The following FLCN variants were observed in gnomAD, a reference collection of about 807,000 sequenced individuals.
The protein encoded by FLCN is BHD skin lesion fibrofolliculoma protein.
FLCN carries 22 observed loss-of-function variants against 62.5 expected under a neutral mutation model. That is an observed-to-expected ratio of 0.35 (90% CI 0.25 to 0.50). The LOEUF (loss-of-function observed/expected upper bound fraction) is 0.50, where lower values mean the gene tolerates loss of function less well. FLCN is among the 20% of genes least tolerant of loss of function. The pLI is 0.97. For synonymous variants in FLCN, 319 were observed against 310.0 expected (o/e 1.03, Z -0.30); for missense variants, 657 against 778.0 (o/e 0.84, Z 1.85).
chr17:17,231,848 T>C lies in FLCN; in HGVS notation c.-79A>G, dbSNP rs535864585. 1 of 152,632 alleles carries C rather than the reference T, an allele frequency of 6.6e-6. No individual in the cohort carries two copies. Among genetic ancestry groups the C allele is most frequent in the Admixed American group, 6.5e-5 (1 of 15,304 alleles). The allele number at this position is 152,632 out of a possible 1,614,324, so 9.5% of individuals were successfully genotyped here. ...GCACGAGCTGCTCCGGCACCTGTCCTCCTGCTGAGATACGGCTGAGCACGA... is the reference window on the plus strand; with the variant it reads ...GCACGAGCTGCTCCGGCACCTGTCCCCCTGCTGAGATACGGCTGAGCACGA... On this transcript the variant is annotated 5_prime_UTR_variant, in exon 3 of 14. Transcript: ENST00000285071.
intron 3 of FLCN, among the ~76,000 whole-genome samples, chr17:17,230,881 A>C (rs535573820): frequency 6.6e-6 from 1 of 152,278 alleles, no homozygotes; most frequent in South Asian, 2.1e-4. Flanking sequence ...TGACAGAGTG[A>C]GTGAGACTTC....
rs377409458 is a variant in FLCN, at chr17:17,215,138, C to T, written c.1432+47G>A. The T allele has an allele frequency of 1.2e-5, 19 of 1,613,722 alleles. No homozygotes were observed. Among genetic ancestry groups the T allele is most frequent in the African/African-American group, 5.3e-5 (4 of 74,860 alleles). ...AGCAAGGGCAGGCGTTAGCGCGGGG[C>T]GGGGGCATCTTCTCACAAAAAGGAC... On this transcript the variant is annotated intron_variant, in intron 12 of 13. Coordinates refer to ENST00000285071, the MANE Select transcript of FLCN (RefSeq NM_144997.7).
At chr17:17,234,199 TTTTGTTTTTTTTTGG>T (rs1373195347) in intron 1 of FLCN, among the ~76,000 whole-genome samples, 3 of 147,642 alleles carry the variant, frequency 2.0e-5, no homozygotes, top group Admixed American at 6.7e-5. Context: ...GGCTACACTG[TTTTGTTTTTTTTTGG>T]TTTGTTTTTT....
chr17:17,226,293 C>G lies in FLCN; in HGVS notation c.279G>C (p.Pro93=), dbSNP rs138688941. The G allele has an allele frequency of 6.2e-7, 1 of 1,614,134 alleles. No individual in the cohort carries two copies. Among genetic ancestry groups the G allele is most frequent in the Non-Finnish European group, 8.5e-7 (1 of 1,180,026 alleles). ...EGCRSLAAGH[P]GYISHDKETS... The stretch of plus-strand genomic sequence containing the variant: ...TCTCTTTATCATGGCTGATATATCC[C>G]GGGTGCCCTGCAGCAAGTGACCGGC... The change falls in exon 5 of 14, where the codon CCG becomes CCC. Residue 93 remains proline, a synonymous_variant. Coordinates refer to ENST00000285071, the MANE Select transcript of FLCN (RefSeq NM_144997.7).
chr17:17,224,155 C>T lies in FLCN; in HGVS notation c.397-12G>A, dbSNP rs199958635. On this transcript the variant is annotated splice_polypyrimidine_tract_variant and intron_variant, in intron 5 of 13. Transcript: ENST00000285071. ...CGGCCAGGGCAGACCTGGAGGGACA[C>T]CGGCGACTCAGACAGCCCTTTCCTC... 1.9e-6 allele frequency: 3 copies of T among 1,570,012 alleles called. No homozygotes were observed. Among genetic ancestry groups the T allele is most frequent in the East Asian group, 2.3e-5 (1 of 42,778 alleles).
chr17:17,221,392 G>A (rs764640847), intron 8 of FLCN, 145 bp downstream of exon 8: 52 of 1,613,264 alleles, frequency 3.2e-5, no homozygotes, highest in Non-Finnish European at 3.6e-5. Flanking sequence ...CACCGAGATC[G>A]GAGGGTGAGC....
At position 17,217,169 on chromosome 17, in the gene FLCN, G is replaced by A; in HGVS notation, c.1076C>T (p.Pro359Leu). The A allele has an allele frequency of 6.2e-7, 1 of 1,613,460 alleles. No individual in the cohort carries two copies. The highest frequency in any genetic ancestry group is 2.2e-5 in the East Asian group (1 of 44,884). Residue 359 changes from proline to leucine, a missense_variant, in exon 10 of 14, where the codon CCT (proline) becomes CTT (leucine). Physicochemically the swap from Pro to Leu is moderately conservative, Grantham distance 98. Coordinates refer to ENST00000285071, the MANE Select transcript of FLCN (RefSeq NM_144997.7). ...LRHMRQVLGA[P>L]SFRMLAWHVL... ...GTGCCAGGCCAGCATGCGGAAAGAAGGGGCACCCAGGACCTAAACAAGAGA... is the reference window on the plus strand; with the variant it reads ...GTGCCAGGCCAGCATGCGGAAAGAAAGGGCACCCAGGACCTAAACAAGAGA...
chr17:17,224,724 G>A (rs1839274847), intron 5 of FLCN: 2 of 165,708 alleles, frequency 1.2e-5, no homozygotes, highest in Admixed American at 5.8e-5. Flanking sequence ...TTTTTTTAGA[G>A]AGGGGGTTTC....
chr17:17,215,115 C>A (rs775844478), intron 12 of FLCN, 25 bp from the exon 13 acceptor site: 40 of 1,613,722 alleles, frequency 2.5e-5, no homozygotes, highest in Non-Finnish European at 1.7e-6. Context: ...AGGGGCAGAG[C>A]AAGGGCAGGC....
At chr17:17,222,403 C>T (rs964149791) in intron 7 of FLCN, 98 bp downstream of exon 7, 25 of 1,551,814 alleles carry the variant, frequency 1.6e-5, no homozygotes, top group East Asian at 9.3e-5. Flanking sequence ...CAAGCAAACA[C>T]GGCTAAGGAC....
At chr17:17,236,626 CAA>C (rs879592728) in intron 1 of FLCN, among the ~76,000 whole-genome samples, 1 of 152,148 alleles carries the variant, frequency 6.6e-6, no homozygotes, top group Admixed American at 6.6e-5. Flanking sequence ...TCCTGAACGC[CAA>C]ACTGGGAGAA....
intron 6 of FLCN, chr17:17,223,083 G>A: frequency 3.3e-6 from 1 of 300,134 alleles, no homozygotes; most frequent in Non-Finnish European, 6.6e-6. Context: ...GGCAGAAGGA[G>A]CAACATTTTT....
chr17:17,214,508 C>T (rs887434791), intron 13 of FLCN, among the ~76,000 whole-genome samples: 4 of 151,988 alleles, frequency 2.6e-5, no homozygotes, highest in South Asian at 4.1e-4. Flanking sequence ...GCAGAAGAAT[C>T]GCTTGAACCC....
At chr17:17,217,358 G>C in intron 9 of FLCN, 176 bp from the exon 10 acceptor site, 1 of 647,870 alleles carries the variant, frequency 1.5e-6, no homozygotes, top group African/African-American at 1.8e-5. Flanking sequence ...GGGGCAGAGA[G>C]AGAAGTTCCA....
intron 9 of FLCN, chr17:17,217,743 C>T (rs2046968960): frequency 5.1e-6 from 1 of 194,186 alleles, no homozygotes; most frequent in African/African-American, 2.3e-5. Flanking sequence ...TAACCTAGAA[C>T]AGCCTCTCCC....
chr17:17,223,866 G>C (rs2047167270), intron 6 of FLCN, 56 bp downstream of exon 6: 2 of 1,576,670 alleles, frequency 1.3e-6, no homozygotes, highest in South Asian at 2.2e-5. Context: ...TCAGCACAGA[G>C]CGGCTCATGC....
At chr17:17,218,721 A>T (rs2046996665) in intron 9 of FLCN, among the ~76,000 whole-genome samples, 1 of 152,080 alleles carries the variant, frequency 6.6e-6, no homozygotes, top group African/African-American at 2.4e-5. Context: ...GCTGCATCCA[A>T]ACCAATTACA....
In FLCN at chr17:17,215,188, G is replaced by A. The variant is rs879255678; in HGVS notation, c.1429C>T (p.Arg477Ter). The A allele has an allele frequency of 3.1e-6, 5 of 1,613,988 alleles. No individual in the cohort carries two copies. The South Asian group carries it at 3.3e-5, about 11-fold the overall frequency. The change falls in exon 12 of 14, where the codon CGA (arginine) becomes TGA (stop). Residue 477 changes from arginine (R) to a stop codon, truncating the protein, a stop_gained. Transcript: ENST00000285071. LOFTEE classifies it high-confidence loss of function. Reference sequence around the variant, plus strand: ...CACTCTGCCTGGGGGCACCCACCTCGGTCTGCAGCTACAGGGCTCCCACTG... The same window carrying A: ...CACTCTGCCTGGGGGCACCCACCTCAGTCTGCAGCTACAGGGCTCCCACTG... ...VTSGSPVAAD[R>*]VGPTILNKIE...
intron 3 of FLCN, among the ~76,000 whole-genome samples, chr17:17,230,674 C>T (rs1158774804): frequency 6.9e-6 from 1 of 145,174 alleles, no homozygotes; most frequent in Non-Finnish European, 1.5e-5. Flanking sequence ...TGCAGTGAGC[C>T]AAGACTAGGT....
Sources: allele counts gnomAD v4.1 joint callset (sites outside exome capture counted in the v4.1 genomes callset), GRCh38; gene constraint gnomAD v4.1.1; transcripts MANE v1.5; gene names NCBI Gene and HGNC (gene_info 2026-07-23, HGNC 2026-07-21).